The following PPARG variants were observed in gnomAD, a reference collection of about 807,000 sequenced individuals.
PPARG encodes peroxisome proliferator activated receptor gamma.
A neutral mutation model predicts 39.2 loss-of-function variants in PPARG; 17 were observed. The observed-to-expected ratio is 0.43, with a 90% CI of 0.30 to 0.65. The LOEUF (loss-of-function observed/expected upper bound fraction) is 0.65. Ranked by LOEUF, PPARG falls within the 30% of genes least tolerant of loss-of-function variation. The pLI, the probability that PPARG is intolerant of heterozygous loss-of-function variation, is 0.13. For missense variants in PPARG, 406 were observed against 585.9 expected, an observed-to-expected ratio of 0.69 and a Z score of 3.17; for synonymous variants, 223 against 215.7, an observed-to-expected ratio of 1.03 and a Z score of -0.30.
At chr3:12,369,226 T>C (rs1575069056) in intron 2 of PPARG, among the ~76,000 whole-genome samples, 1 of 152,292 alleles carries the variant, frequency 6.6e-6, no homozygotes, top group Non-Finnish European at 1.5e-5. Flanking sequence ...GCATAGTGAC[T>C]CACGCCTGTA....
chr3:12,365,085 T>C (rs1438377809), intron 2 of PPARG, among the ~76,000 whole-genome samples: 2 of 152,042 alleles, frequency 1.3e-5, no homozygotes, highest in Non-Finnish European at 2.9e-5. Context: ...TCATACGGAG[T>C]GTGCAACCTA....
intron 2 of PPARG, among the ~76,000 whole-genome samples, chr3:12,341,145 T>G (rs1416835290): frequency 6.6e-6 from 1 of 150,840 alleles, no homozygotes; most frequent in African/African-American, 2.4e-5. Flanking sequence ...ATCACGCCAC[T>G]GCACTCCAGC....
chr3:12,419,165 G>A (rs997838552), intron 7 of PPARG, among the ~76,000 whole-genome samples: 5 of 151,964 alleles, frequency 3.3e-5, no homozygotes, highest in Admixed American at 3.3e-4. Flanking sequence ...GGCTGGTCTC[G>A]AACTCCTGAC....
chr3:12,315,620 C>T (rs756729326), intron 2 of PPARG, among the ~76,000 whole-genome samples: 25 of 152,136 alleles, frequency 1.6e-4, no homozygotes, highest in Non-Finnish European at 3.1e-4. Flanking sequence ...CAGAGTAATG[C>T]AGGGGCATTC....
intron 2 of PPARG, among the ~76,000 whole-genome samples, chr3:12,342,161 T>A (rs540013816): frequency 6.6e-6 from 1 of 152,296 alleles, no homozygotes; most frequent in South Asian, 2.1e-4. Context: ...AATGTTTAAC[T>A]TGAATCCAGA....
rs115507229 is a variant in PPARG at position 12,301,381 on chromosome 3, G to A, written c.-82-10999G>A. On this transcript the variant is annotated intron_variant, in intron 1 of 7. Transcript: ENST00000651735. ...AAAACTGGTTCTCTTCTTAAACTTC[G>A]TTACATATTAGATAAAACACTATCA... 1.6e-3 allele frequency: 249 copies of A among 152,202 alleles called. 1 individual carries two copies. The highest frequency in any genetic ancestry group is 5.7e-3 in the African/African-American group (236 of 41,528). The allele number at this position is 152,202 out of a possible 1,614,324, so 9.4% of individuals were successfully genotyped here.
chr3:12,288,565 C>T (rs888783483), upstream of PPARG, among the ~76,000 whole-genome samples: 1 of 152,048 alleles, frequency 6.6e-6, no homozygotes, highest in African/African-American at 2.4e-5. Flanking sequence ...GATCCGCGTG[C>T]GTCCGTCCTG....
chr3:12,375,175 G>A (rs1033757653), intron 2 of PPARG, among the ~76,000 whole-genome samples: 2 of 151,832 alleles, frequency 1.3e-5, no homozygotes, highest in African/African-American at 2.4e-5. Flanking sequence ...CCACTTGAAC[G>A]CAGGAGTTTG....
rs1473818706 is a variant in PPARG, at chr3:12,312,464, T to C, written c.-9+11T>C. The C allele has an allele frequency of 6.6e-6, 1 of 152,200 alleles. No individual in the cohort carries two copies. Among genetic ancestry groups the C allele is most frequent in the Non-Finnish European group, 1.5e-5 (1 of 68,032 alleles). The allele number at this position is 152,200 out of a possible 1,614,324, so 9.4% of individuals were successfully genotyped here. ...AGTCAGCCTTTAACGGTAAGTAAAATCAGAATTTATACTGCATTTGTATTG... is the reference window on the plus strand; with the variant it reads ...AGTCAGCCTTTAACGGTAAGTAAAACCAGAATTTATACTGCATTTGTATTG... On this transcript the variant is annotated intron_variant, in intron 2 of 7. Coordinates refer to ENST00000651735, the MANE Select transcript of PPARG (RefSeq NM_138711.6).
At chr3:12,357,738 G>T (rs2048714391) in intron 2 of PPARG, among the ~76,000 whole-genome samples, 1 of 152,154 alleles carries the variant, frequency 6.6e-6, no homozygotes, top group Non-Finnish European at 1.5e-5. Flanking sequence ...ATTAATACTT[G>T]CTAAATGAAA....
At chr3:12,302,881 T>C (rs2046963802) in intron 1 of PPARG, among the ~76,000 whole-genome samples, 2 of 151,976 alleles carry the variant, frequency 1.3e-5, no homozygotes, top group African/African-American at 4.8e-5. Context: ...GGACATACCA[T>C]GAGGAGGGCC....
At chr3:12,401,458 G>A (rs2050467901) in intron 5 of PPARG, among the ~76,000 whole-genome samples, 1 of 152,136 alleles carries the variant, frequency 6.6e-6, no homozygotes. Flanking sequence ...GTTAAGCATT[G>A]CCATGCACCT....
intron 2 of PPARG, among the ~76,000 whole-genome samples, chr3:12,373,210 A>G (rs1331223857): frequency 6.6e-6 from 1 of 152,162 alleles, no homozygotes; most frequent in Non-Finnish European, 1.5e-5. Flanking sequence ...TAAAATGTCT[A>G]GGGAACCACT....
At chr3:12,427,281 G>A (rs1448866012) in intron 7 of PPARG, among the ~76,000 whole-genome samples, 1 of 147,864 alleles carries the variant, frequency 6.8e-6, no homozygotes, top group Non-Finnish European at 1.5e-5. Flanking sequence ...GGGGCACCGT[G>A]GGTTTTTTGT....
chr3:12,311,485 G>C (rs546086261), intron 1 of PPARG, among the ~76,000 whole-genome samples: 29 of 152,264 alleles, frequency 1.9e-4, no homozygotes, highest in African/African-American at 5.1e-4. Flanking sequence ...TTAACAAAAT[G>C]GGAAAACATT....
chr3:12,371,355 A>C (rs1241138302), intron 2 of PPARG, among the ~76,000 whole-genome samples: 1 of 152,170 alleles, frequency 6.6e-6, no homozygotes, highest in African/African-American at 2.4e-5. Flanking sequence ...GCAAGCAAAC[A>C]ACATTTGTAT....
intron 1 of PPARG, among the ~76,000 whole-genome samples, chr3:12,310,829 A>G (rs998888232): frequency 7.0e-6 from 1 of 143,260 alleles, no homozygotes; most frequent in African/African-American, 2.6e-5. Flanking sequence ...AAAAAACCCA[A>G]GTGGTAATCT....
intron 4 of PPARG, 106 bp from the exon 5 acceptor site, chr3:12,392,508 A>G (rs1256973905): frequency 2.7e-5 from 36 of 1,324,758 alleles, no homozygotes; most frequent in Non-Finnish European, 3.5e-5. Flanking sequence ...AATCGTGTCA[A>G]GAACCTGCCT....
At chr3:12,320,574 G>A (rs1203723799) in intron 2 of PPARG, among the ~76,000 whole-genome samples, 2 of 152,176 alleles carry the variant, frequency 1.3e-5, no homozygotes, top group African/African-American at 4.8e-5. Context: ...GGTCACACCT[G>A]TAATCCCAGG....
Sources: gnomAD v4.1 joint callset for allele counts (sites outside exome capture counted in the v4.1 genomes callset) on GRCh38, gnomAD v4.1.1 for gene constraint, MANE v1.5 for transcripts, NCBI Gene and HGNC (gene_info 2026-07-23, HGNC 2026-07-21) for gene names.